The following RCC1 variants were observed in gnomAD, a reference collection of about 807,000 sequenced individuals.
The protein encoded by RCC1 is regulator of chromosome condensation.
Under a neutral mutation model 44.4 loss-of-function variants are expected in RCC1, and 11 were observed. The ratio of observed to expected loss-of-function variants is 0.25; its 90% CI spans 0.16 to 0.41. The LOEUF (loss-of-function observed/expected upper bound fraction) is 0.41, where lower values mean the gene tolerates loss of function less well. Ranked by LOEUF, RCC1 falls within the 10% of genes least tolerant of loss-of-function variation. The pLI is 1.00. For missense variants in RCC1, 386 were observed against 547.1 expected (o/e 0.71, Z 2.94); for synonymous variants, 213 against 216.5 (o/e 0.98, Z 0.14).
At chr1:28,510,336 TAA>T (rs1662428877) in intron 3 of RCC1, 1 of 152,190 alleles carries the variant, frequency 6.6e-6, no homozygotes, top group East Asian at 1.9e-4. Flanking sequence ...AGGCAGTGTT[TAA>T]GAGGGCATGT....
At chr1:28,507,529 C>T (rs1472702071) in intron 1 of RCC1, 1 of 518,746 alleles carries the variant, frequency 1.9e-6, no homozygotes, top group Non-Finnish European at 3.8e-6. Context: ...TCCCAGAGTC[C>T]TGTCGACAAT....
chr1:28,524,474 G>A (rs986659993), intron 4 of RCC1, among the ~76,000 whole-genome samples: 2 of 152,114 alleles, frequency 1.3e-5, no homozygotes, highest in South Asian at 4.1e-4. Flanking sequence ...TGGGAAGATC[G>A]CTTGAGTCCA....
intron 4 of RCC1, among the ~76,000 whole-genome samples, chr1:28,521,244 G>A (rs975480338): frequency 3.3e-5 from 5 of 152,084 alleles, no homozygotes; most frequent in Admixed American, 3.3e-4. Context: ...GCTCACGCCT[G>A]TAATCCCAGC....
chr1:28,530,930 TTC>T (rs1664116882), intron 5 of RCC1, among the ~76,000 whole-genome samples: 1 of 152,206 alleles, frequency 6.6e-6, no homozygotes, highest in Non-Finnish European at 1.5e-5. Context: ...CTGGGGATTG[TTC>T]TCTGACCCAC....
At chr1:28,527,046 C>T (rs2124642772) in intron 4 of RCC1, 1 of 821,912 alleles carries the variant, frequency 1.2e-6, no homozygotes, top group Middle Eastern at 3.4e-4. Context: ...ACATCAGGTG[C>T]ATGGTATGAG....
intron 4 of RCC1, among the ~76,000 whole-genome samples, chr1:28,521,422 AC>A (rs1663267029): frequency 1.3e-5 from 2 of 150,190 alleles, no homozygotes; most frequent in South Asian, 4.2e-4. Flanking sequence ...AATGGCGTGA[AC>A]CTGGGAGGCG....
intron 3 of RCC1, 82 bp from the exon 4 acceptor site, chr1:28,516,643 G>A (rs1485437221): frequency 7.6e-6 from 2 of 264,830 alleles, no homozygotes; most frequent in Admixed American, 4.7e-5. Context: ...GAGCTGACAT[G>A]GATGTTTCTG....
intron 5 of RCC1, 86 bp from the exon 6 acceptor site, chr1:28,531,717 C>G: frequency 1.7e-6 from 2 of 1,178,096 alleles, no homozygotes; most frequent in Non-Finnish European, 2.3e-6. Flanking sequence ...GGGGCTTCTG[C>G]ACAGGTTTGT....
chr1:28,520,036 T>C (rs1233857485), intron 4 of RCC1, among the ~76,000 whole-genome samples: 1 of 152,132 alleles, frequency 6.6e-6, no homozygotes, highest in Non-Finnish European at 1.5e-5. Flanking sequence ...GCAGTGAAGT[T>C]GTGTGTCCCT....
At chr1:28,511,702 C>G (rs1436475512) in intron 3 of RCC1, among the ~76,000 whole-genome samples, 1 of 150,108 alleles carries the variant, frequency 6.7e-6, no homozygotes, top group Non-Finnish European at 1.5e-5. Flanking sequence ...CACTCTGTCT[C>G]CAGGAGGGAG....
chr1:28,534,998 TGGCACGG>T, intron 7 of RCC1, 45 bp from the exon 8 acceptor site: 2 of 1,473,344 alleles, frequency 1.4e-6, no homozygotes, highest in Admixed American at 1.7e-5. Context: ...TGGATTTCAC[TGGCACGG>T]GGCAGGCAGG....
intron 4 of RCC1, chr1:28,518,775 T>C (rs1049979371): frequency 1.3e-5 from 2 of 151,076 alleles, no homozygotes; most frequent in Non-Finnish European, 2.9e-5. Flanking sequence ...AGCTCGAGGG[T>C]CTCCCGCTGT....
chr1:28,524,420 G>A (rs1406540835), intron 4 of RCC1, among the ~76,000 whole-genome samples: 1 of 152,180 alleles, frequency 6.6e-6, no homozygotes, highest in Non-Finnish European at 1.5e-5. Flanking sequence ...CAAGCCAAGT[G>A]CTGTGGCACG....
rs780187857 is a variant in RCC1, at chr1:28,531,880, G to A, written c.151G>A (p.Gly51Ser). 2 of 1,606,892 alleles carry A rather than the reference G, an allele frequency of 1.2e-6. No homozygotes were observed. The highest frequency in any genetic ancestry group is 1.7e-6 in the Non-Finnish European group (2 of 1,176,532). ...GGGCGACGTGGGCCAGCTGGGGCTG[G>A]GTGAGAATGTGATGGAGAGGAAGAA... ...GQGDVGQLGL[G>S]ENVMERKKPA... The change falls in exon 6 of 13, where the codon GGT (glycine) becomes AGT (serine). Residue 51 changes from glycine to serine, a missense_variant. By Grantham distance (56) the Gly-to-Ser change is moderately conservative (BLOSUM62 0). Transcript: ENST00000683442.
intron 7 of RCC1, chr1:28,532,822 T>A: frequency 2.3e-6 from 1 of 434,118 alleles, no homozygotes; most frequent in Non-Finnish European, 4.6e-6. Flanking sequence ...TTGTTGTTTT[T>A]GTATTGTTTT....
intron 3 of RCC1, chr1:28,509,168 G>T: frequency 3.3e-6 from 1 of 303,914 alleles, no homozygotes; most frequent in South Asian, 2.9e-5. Context: ...TAAAGGCTTT[G>T]GAATTTGGCA....
At chr1:28,509,540 C>A (rs959965636) in intron 3 of RCC1, 1 of 152,264 alleles carries the variant, frequency 6.6e-6, no homozygotes, top group African/African-American at 2.4e-5. Flanking sequence ...TGCCCGGCCA[C>A]TTTTGTATGA....
intron 2 of RCC1, 108 bp downstream of exon 2, chr1:28,508,268 C>T (rs1368908296): frequency 1.1e-5 from 4 of 365,196 alleles, no homozygotes; most frequent in African/African-American, 8.5e-5. Context: ...GGATTTACCT[C>T]TGAGGCATTT....
chr1:28,529,745 G>A (rs1346665633), intron 4 of RCC1, 113 bp from the exon 5 acceptor site: 3 of 768,924 alleles, frequency 3.9e-6, no homozygotes, highest in Non-Finnish European at 6.7e-6. Flanking sequence ...TTGAGAAGTG[G>A]AATTGTTGGG....
Sources: allele counts gnomAD v4.1 joint callset (sites outside exome capture counted in the v4.1 genomes callset), GRCh38; gene constraint gnomAD v4.1.1; transcripts MANE v1.5; gene names NCBI Gene and HGNC (gene_info 2026-07-23, HGNC 2026-07-21).